GRAP2: variants seen among roughly 807,000 people sequenced by gnomAD.
The protein encoded by GRAP2 is GRB2 related adaptor protein 2, also known as GRB2-related adapter protein 2.
GRAP2 carries 31 observed loss-of-function variants against 43.5 expected under a neutral mutation model. The observed-to-expected ratio is 0.71, with a 90% CI of 0.54 to 0.96. The LOEUF is 0.96. GRAP2 is among the 40% of genes least tolerant of loss of function. GRAP2 has a pLI of 0.00. For missense variants in GRAP2, 371 were observed against 424.4 expected, an observed-to-expected ratio of 0.87 and a Z score of 1.11; for synonymous variants, 156 against 164.8, an observed-to-expected ratio of 0.95 and a Z score of 0.41.
chr22:39,929,469 C>A (rs910854142), intron 1 of GRAP2, among the ~76,000 whole-genome samples: 3 of 152,196 alleles, frequency 2.0e-5, no homozygotes, highest in Non-Finnish European at 4.4e-5. Flanking sequence ...AGCTGAGAAT[C>A]CCTGCCAACA....
At chr22:39,962,154 G>A (rs763025915) in intron 4 of GRAP2, among the ~76,000 whole-genome samples, 5 of 152,190 alleles carry the variant, frequency 3.3e-5, no homozygotes, top group Non-Finnish European at 7.3e-5. Flanking sequence ...CGGGCGCCGT[G>A]GCTCATGCCT....
chr22:39,968,039 C>T lies in GRAP2; in HGVS notation c.460-3C>T, dbSNP rs1569217890. The T allele has an allele frequency of 1.2e-6, 2 of 1,611,984 alleles. No individual in the cohort carries two copies. ...TCTGCAGCATCTCTGTTCTTTCTCC[C>T]AGGGTCACCGGGGCAACAGCCTGGA... On this transcript the variant is annotated splice_region_variant and splice_polypyrimidine_tract_variant and intron_variant, in intron 5 of 7. Coordinates refer to ENST00000344138, the MANE Select transcript of GRAP2 (RefSeq NM_004810.4).
intron 4 of GRAP2, among the ~76,000 whole-genome samples, chr22:39,965,701 A>G (rs925638316): frequency 1.3e-5 from 2 of 152,246 alleles, no homozygotes; most frequent in Admixed American, 6.5e-5. Flanking sequence ...CACTTGGAAC[A>G]TGCTTTTCTT....
chr22:39,896,982 C>T (rs2066468448), upstream of GRAP2, among the ~76,000 whole-genome samples: 1 of 152,166 alleles, frequency 6.6e-6, no homozygotes, highest in African/African-American at 2.4e-5. Context: ...ATTCTATGAC[C>T]TCTCAACTTT....
At chr22:39,916,069 C>A (rs970961290) in intron 1 of GRAP2, among the ~76,000 whole-genome samples, 1 of 152,198 alleles carries the variant, frequency 6.6e-6, no homozygotes, top group African/African-American at 2.4e-5. Context: ...CAAGGGCTAA[C>A]CCCCAATCCA....
chr22:39,966,258 G>GTCTTTC (rs1214849356), intron 5 of GRAP2, 100 bp downstream of exon 5: 56 of 857,092 alleles, frequency 6.5e-5, no homozygotes, highest in South Asian at 5.6e-4. Context: ...TAGATCCTCT[G>GTCTTTC]AGTATACTGA....
In GRAP2 at chr22:39,970,939, A is replaced by G; in HGVS notation, c.848A>G (p.Glu283Gly). Residue 283 changes from glutamate (E) to glycine (G), a missense_variant, in exon 8 of 8, where the codon GAG becomes GGG. Physicochemically the swap from Glu to Gly is moderately conservative, Grantham distance 98. Transcript: ENST00000344138. The part of the protein sequence containing the change: ...VRWARALYDF[E>G]ALEDDELGFH... Reference sequence around the variant, plus strand: ...TGGGCCCGGGCGCTGTATGACTTTGAGGCCCTGGAGGATGACGAGCTGGGG... The same window carrying G: ...TGGGCCCGGGCGCTGTATGACTTTGGGGCCCTGGAGGATGACGAGCTGGGG... 6.2e-7 allele frequency: 1 copy of G among 1,612,510 alleles called. No individual in the cohort carries two copies.
intron 1 of GRAP2, among the ~76,000 whole-genome samples, chr22:39,941,392 T>C (rs1181440606): frequency 1.3e-5 from 2 of 152,168 alleles, no homozygotes; most frequent in Admixed American, 6.5e-5. Flanking sequence ...CAGGTTCGTC[T>C]ACTACTAGGC....
chr22:39,947,380 T>A lies in GRAP2; in HGVS notation c.78+196T>A, dbSNP rs190566089. 85 of 581,310 alleles carry A rather than the reference T, an allele frequency of 1.5e-4. No homozygotes were observed. The East Asian group carries it at 1.7e-3, about 12-fold the overall frequency. 36.0% of individuals were successfully genotyped at this position (581,310 alleles called of 1,614,324 possible). On this transcript the variant is annotated intron_variant, in intron 2 of 7. Transcript: ENST00000344138. ...GAAATACAGTCGGCATAAGCCACCA[T>A]CCTTGTCCTGGGAGGTTCGTAGTCT...
intron 2 of GRAP2, among the ~76,000 whole-genome samples, chr22:39,953,423 A>G (rs1291264365): frequency 6.6e-6 from 1 of 152,102 alleles, no homozygotes; most frequent in African/African-American, 2.4e-5. Flanking sequence ...AGCTTCCAAG[A>G]TTGGTCAAGA....
At chr22:39,899,038 C>G (rs1015557594), upstream of GRAP2, among the ~76,000 whole-genome samples, 37 of 152,282 alleles carry the variant, frequency 2.4e-4, no homozygotes, top group African/African-American at 8.9e-4. Context: ...CTGGCATTCT[C>G]ACATTAGGGT....
intron 3 of GRAP2, among the ~76,000 whole-genome samples, chr22:39,957,662 T>C (rs1372115377): frequency 6.6e-6 from 1 of 152,164 alleles, no homozygotes; most frequent in Non-Finnish European, 1.5e-5. Flanking sequence ...GTGGGTTTTG[T>C]TGTGGCTGAT....
At chr22:39,959,949 T>C in intron 3 of GRAP2, 106 bp from the exon 4 acceptor site, 1 of 1,016,302 alleles carries the variant, frequency 9.8e-7, no homozygotes, top group South Asian at 1.4e-5. Flanking sequence ...CTCCCTACTG[T>C]ACAGAGTCCC....
intron 1 of GRAP2, among the ~76,000 whole-genome samples, chr22:39,932,678 A>G (rs1171549626): frequency 6.6e-6 from 1 of 150,912 alleles, no homozygotes; most frequent in East Asian, 2.0e-4. Context: ...TGATTGCCTC[A>G]CTGCACTCCA....
rs2067101963 is a variant in GRAP2 at position 39,960,107 on chromosome 22, A to G, written c.223A>G (p.Lys75Glu). Residue 75 changes from lysine to glutamate, a missense_variant, in exon 4 of 8, where the codon AAG becomes GAG. Physicochemically the swap from Lys to Glu is moderately conservative, Grantham distance 56 (BLOSUM62 1). Coordinates refer to ENST00000344138, the MANE Select transcript of GRAP2 (RefSeq NM_004810.4). Reference sequence around the variant, plus strand: ...CCAGGCAGAGAACTTACTCATGGGCAAGGAGGTTGGCTTCTTCATCATCCG... The same window carrying G: ...CCAGGCAGAGAACTTACTCATGGGCGAGGAGGTTGGCTTCTTCATCATCCG... ...RHQAENLLMG[K>E]EVGFFIIRAS... 1.2e-6 allele frequency: 2 copies of G among 1,612,838 alleles called. No individual in the cohort carries two copies. Among genetic ancestry groups the G allele is most frequent in the Non-Finnish European group, 1.7e-6 (2 of 1,178,842 alleles).
rs201831070 is a variant in GRAP2 at position 39,909,638 on chromosome 22, AC to A, written c.-15+8309del. Reference sequence around the variant, plus strand: ...ACTTTGGGAAATAAAAGCAAAAAAAACATTGGGTCCTTTCCCCTAAGGAATG... The same window carrying A: ...ACTTTGGGAAATAAAAGCAAAAAAAAATTGGGTCCTTTCCCCTAAGGAATG... On this transcript the variant is annotated intron_variant, in intron 1 of 7. Transcript: ENST00000344138. Among the ~76,000 whole-genome samples the A allele has an allele frequency of 3.3e-4, 51 of 152,324 alleles. 1 individual carries two copies. Among genetic ancestry groups the A allele is most frequent in the African/African-American group, 1.0e-3 (42 of 41,576 alleles).
intron 1 of GRAP2, among the ~76,000 whole-genome samples, chr22:39,909,711 G>A (rs2066546139): frequency 1.3e-5 from 2 of 152,098 alleles, no homozygotes; most frequent in South Asian, 4.1e-4. Context: ...CAAAAAAATG[G>A]TACCACAATG....
chr22:39,912,932 C>T (rs2066577394), intron 1 of GRAP2, among the ~76,000 whole-genome samples: 1 of 151,970 alleles, frequency 6.6e-6, no homozygotes, highest in Non-Finnish European at 1.5e-5. Context: ...GTGGCTCACA[C>T]CTGTAATCCC....
chr22:39,901,091 A>G lies in GRAP2; in HGVS notation c.-254A>G, dbSNP rs575709267. Reference sequence around the variant, plus strand: ...CCTGTGTGGTTTGCCTACAGACTGCAGGGCTGACTAGGGTTAGTTTGGAGG... The same window carrying G: ...CCTGTGTGGTTTGCCTACAGACTGCGGGGCTGACTAGGGTTAGTTTGGAGG... On this transcript the variant is annotated 5_prime_UTR_variant, in exon 1 of 8. Transcript: ENST00000344138. 13 of 380,126 alleles carry G rather than the reference A, an allele frequency of 3.4e-5. No homozygotes were observed. Among genetic ancestry groups the G allele is most frequent in the Admixed American group, 2.2e-4 (7 of 31,330 alleles). The allele number at this position is 380,126 out of a possible 1,614,324, so 23.5% of individuals were successfully genotyped here.
Sources: allele counts gnomAD v4.1 joint callset (sites outside exome capture counted in the v4.1 genomes callset), GRCh38; gene constraint gnomAD v4.1.1; transcripts MANE v1.5; gene names NCBI Gene and HGNC (gene_info 2026-07-23, HGNC 2026-07-21).